Variants in SNX25 observed in about 807,000 individuals in gnomAD.
The protein encoded by SNX25 is sorting nexin 25.
A neutral mutation model predicts 113.7 loss-of-function variants in SNX25; 62 were observed. That is an observed-to-expected ratio of 0.55 (90% confidence interval 0.44 to 0.67). The LOEUF is 0.67. Among genes scored for constraint, SNX25 ranks in the 30% least tolerant of loss-of-function variants. The probability of loss-of-function intolerance (pLI) is 0.00; values close to 1 mark genes in which losing one functional copy is unlikely to be tolerated. For synonymous variants in SNX25, 421 were observed against 436.2 expected, an observed-to-expected ratio of 0.97 and a Z score of 0.43; for missense variants, 1,014 against 1,161.0, an observed-to-expected ratio of 0.87 and a Z score of 1.84.
At chr4:185,302,513 G>A (rs1225386040) in intron 6 of SNX25, among the ~76,000 whole-genome samples, 1 of 152,140 alleles carries the variant, frequency 6.6e-6, no homozygotes, top group East Asian at 1.9e-4. Flanking sequence ...CACACATTTG[G>A]TCACAGAAGT....
intron 1 of SNX25, among the ~76,000 whole-genome samples, chr4:185,219,205 A>G (rs1258893593): frequency 2.0e-5 from 3 of 152,210 alleles, no homozygotes; most frequent in Admixed American, 6.5e-5. Flanking sequence ...CCAAGGCCAC[A>G]TGTATGCTTT....
chr4:185,301,064 C>T (rs1316987405), intron 6 of SNX25, among the ~76,000 whole-genome samples: 2 of 152,266 alleles, frequency 1.3e-5, no homozygotes, highest in South Asian at 2.1e-4. Flanking sequence ...ATAAGACCCT[C>T]ATTCCAAAGA....
chr4:185,258,346 C>CA (rs577559499), intron 2 of SNX25, among the ~76,000 whole-genome samples: 63 of 152,280 alleles, frequency 4.1e-4, no homozygotes, highest in East Asian at 1.3e-3. Context: ...GAGAAGAACA[C>CA]ACGGGAACTG....
Position 185,210,363 on chromosome 4 carries a change from G to T in SNX25, c.429+108G>T. ...GCCGCGGCATGCCCTTGTCGAAGCG[G>T]GAAGCCGGGAGCCAGGGGGCTGGGC... is the stretch of plus-strand genomic sequence containing the variant. On this transcript the variant is annotated intron_variant, in intron 1 of 18. Coordinates refer to ENST00000652585, the MANE Select transcript of SNX25 (RefSeq NM_001378034.2). This position sits in a 1 kb window ranked among gnomAD's most constrained non-coding sequence, Gnocchi z 4.4. 2 of 978,490 alleles carry T rather than the reference G, an allele frequency of 2.0e-6. No individual in the cohort carries two copies. Among genetic ancestry groups the T allele is most frequent in the Non-Finnish European group, 2.4e-6 (2 of 825,588 alleles). The allele number at this position is 978,490 out of a possible 1,614,324, so 60.6% of individuals were successfully genotyped here.
intron 3 of SNX25, among the ~76,000 whole-genome samples, chr4:185,260,128 A>G (rs773304513): frequency 6.6e-6 from 1 of 151,982 alleles, no homozygotes; most frequent in Non-Finnish European, 1.5e-5. Context: ...TAACTTTGAC[A>G]CTTTTTTTAA....
At chr4:185,212,023 ATCTC>A (rs1227414692) in intron 1 of SNX25, among the ~76,000 whole-genome samples, 1 of 152,224 alleles carries the variant, frequency 6.6e-6, no homozygotes, top group African/African-American at 2.4e-5. Flanking sequence ...GCATGTATAA[ATCTC>A]TCATGAATAC....
At chr4:185,262,615 G>A (rs1407058548) in intron 3 of SNX25, among the ~76,000 whole-genome samples, 1 of 152,170 alleles carries the variant, frequency 6.6e-6, no homozygotes, top group African/African-American at 2.4e-5. Context: ...GACTTTGACA[G>A]TTCACATAAT....
At chr4:185,259,725 C>G (rs1158444735) in intron 3 of SNX25, among the ~76,000 whole-genome samples, 1 of 152,194 alleles carries the variant, frequency 6.6e-6, no homozygotes, top group East Asian at 1.9e-4. Flanking sequence ...AGCTGTCTAA[C>G]TGCAATGAGT....
chr4:185,378,374 C>T, the SNX25 span: 2 of 1,402,936 alleles, frequency 1.4e-6, no homozygotes, highest in Middle Eastern at 1.9e-4. Flanking sequence ...TACTAGGACA[C>T]CAAGACCCTC....
intron 3 of SNX25, among the ~76,000 whole-genome samples, chr4:185,260,943 C>CCT (rs1261903715): frequency 6.6e-6 from 1 of 152,194 alleles, no homozygotes; most frequent in African/African-American, 2.4e-5. Context: ...TGTTCACCAA[C>CCT]CTCTGCAAGC....
intron 5 of SNX25, among the ~76,000 whole-genome samples, chr4:185,271,478 G>A (rs1371241403): frequency 6.6e-6 from 1 of 152,114 alleles, no homozygotes; most frequent in Non-Finnish European, 1.5e-5. Flanking sequence ...TGAACTCCTG[G>A]CCTCAAGTGA....
chr4:185,321,262 A>ATTTT (rs556737428), intron 8 of SNX25, among the ~76,000 whole-genome samples: 4 of 137,250 alleles, frequency 2.9e-5, no homozygotes, highest in South Asian at 2.3e-4. Flanking sequence ...TTTCATTTCA[A>ATTTT]TTTTTTTTTT....
At chr4:185,329,032 G>A (rs555723258) in intron 9 of SNX25, among the ~76,000 whole-genome samples, 3 of 152,206 alleles carry the variant, frequency 2.0e-5, no homozygotes, top group South Asian at 2.1e-4. Flanking sequence ...GGAGAGACCC[G>A]GGGAGGGTTT....
Position 185,354,143 on chromosome 4 carries a change from C to T in SNX25, c.2584+541C>T, listed in dbSNP as rs139796062. On this transcript the variant is annotated intron_variant, in intron 15 of 18. Transcript: ENST00000652585. ...ACGTAACATAGCGTCCTGATTTACT[C>T]TGCCCCATGTTCCTCTGACTACAGA... 6.8e-3 allele frequency among the ~76,000 whole-genome samples: 1,028 copies of T among 152,150 alleles called. 17 individuals carry two copies. The highest frequency in any genetic ancestry group is 0.024 in the African/African-American group (988 of 41,508).
upstream of SNX25, among the ~76,000 whole-genome samples, chr4:185,207,491 T>C (rs765662959): frequency 4.6e-5 from 7 of 152,156 alleles, no homozygotes; most frequent in East Asian, 1.3e-3. Flanking sequence ...GTGCTGGGAT[T>C]ACAAGCTTGA....
intron 9 of SNX25, among the ~76,000 whole-genome samples, chr4:185,326,397 TTTATAGCTGATTA>T (rs1211390827): frequency 6.6e-6 from 1 of 152,136 alleles, no homozygotes; most frequent in African/African-American, 2.4e-5. Flanking sequence ...CTGTTAGAGC[TTTATAGCTGATTA>T]TAAAACCACC....
intron 3 of SNX25, among the ~76,000 whole-genome samples, chr4:185,262,349 A>C (rs1478793686): frequency 1.3e-5 from 2 of 152,224 alleles, no homozygotes; most frequent in African/African-American, 2.4e-5. Flanking sequence ...GTTTTGGGAA[A>C]ATCTAAAAAT....
Position 185,329,681 on chromosome 4 carries a change from CAGAG to C in SNX25, c.1750-2896_1750-2893del, listed in dbSNP as rs111361928. On this transcript the variant is annotated intron_variant, in intron 9 of 18. Coordinates refer to ENST00000652585, the MANE Select transcript of SNX25 (RefSeq NM_001378034.2). ...TGGAGCCGCATGAGGAAGACAGACA[CAGAG>C]AGAGAGAGAGAGAGAGAAGAGAGGA... Among the ~76,000 whole-genome samples the C allele has an allele frequency of 7.3e-4, 108 of 148,892 alleles. 1 individual carries two copies. Among genetic ancestry groups the C allele is most frequent in the African/African-American group, 2.4e-3 (99 of 40,728 alleles).
chr4:185,225,263 C>G (rs1350196888), intron 1 of SNX25, among the ~76,000 whole-genome samples: 1 of 152,000 alleles, frequency 6.6e-6, no homozygotes, highest in Non-Finnish European at 1.5e-5. Flanking sequence ...GAACTATAGG[C>G]GCCCACTACT....
Sources: gnomAD v4.1 joint callset for allele counts (sites outside exome capture counted in the v4.1 genomes callset) on GRCh38, gnomAD v4.1.1 for gene constraint, Gnocchi (gnomAD v3.1) non-coding constraint, MANE v1.5 for transcripts, NCBI Gene and HGNC (gene_info 2026-07-23, HGNC 2026-07-21) for gene names.